The following SOX6 variants were observed in gnomAD, a reference collection of about 807,000 sequenced individuals.
SOX6 encodes the protein transcription factor SOX-6.
Under a neutral mutation model 97.8 loss-of-function variants are expected in SOX6, and 11 were observed. The observed-to-expected ratio is 0.11, with a 90% CI of 0.07 to 0.19. The LOEUF is 0.19. SOX6 is among the 10% of genes least tolerant of loss of function. SOX6 has a pLI of 1.00. For synonymous variants in SOX6, 360 were observed against 371.4 expected (o/e 0.97, Z 0.35); for missense variants, 810 against 1,039.5 (o/e 0.78, Z 3.04).
At chr11:16,001,599 A>G (rs1382651824) in intron 13 of SOX6, among the ~76,000 whole-genome samples, 1 of 152,160 alleles carries the variant, frequency 6.6e-6, no homozygotes, top group Admixed American at 6.5e-5. Context: ...TGGCTGGAAC[A>G]TTATTTTCCC....
chr11:16,732,689 T>C (rs80237685), intron 2 of SOX6, among the ~76,000 whole-genome samples: 1 of 152,170 alleles, frequency 6.6e-6, no homozygotes, highest in Non-Finnish European at 1.5e-5. Context: ...AAAGACTTAA[T>C]GACTAAAACA....
upstream of SOX6, among the ~76,000 whole-genome samples, chr11:16,359,181 C>T (rs1054040728): frequency 6.6e-6 from 1 of 151,432 alleles, no homozygotes; most frequent in Non-Finnish European, 1.5e-5. Context: ...GTCCTCAGAA[C>T]GAGAAGTTTG....
In SOX6 at chr11:16,579,359, C is replaced by T. The variant is rs189405392; in HGVS notation, n.609+32722G>A. Among the ~76,000 whole-genome samples the T allele has an allele frequency of 3.7e-3, 563 of 151,934 alleles. 3 individuals are homozygous for T. The highest frequency in any genetic ancestry group is 0.013 in the African/African-American group (543 of 41,482). On this transcript the variant is annotated intron_variant and non_coding_transcript_variant, in intron 4 of 5. Transcript: ENST00000524520. ...AAGGTACTTGATGAGTTTTTATATA[C>T]GTATTCTCCCATATAATCACCACCC...
At chr11:16,641,130 G>A (rs895395253) in intron 3 of SOX6, among the ~76,000 whole-genome samples, 25 of 152,128 alleles carry the variant, frequency 1.6e-4, no homozygotes, top group African/African-American at 2.7e-4. Flanking sequence ...TGTTGGTTTC[G>A]AAGAATATCT....
chr11:16,274,234 G>A (rs1590082955), intron 3 of SOX6, among the ~76,000 whole-genome samples: 1 of 152,006 alleles, frequency 6.6e-6, no homozygotes, highest in East Asian at 1.9e-4. Context: ...ATTGATTTGG[G>A]ATTCAGCAAC....
intron 3 of SOX6, among the ~76,000 whole-genome samples, chr11:16,669,590 A>C (rs1847832570): frequency 6.6e-6 from 1 of 152,226 alleles, no homozygotes; most frequent in South Asian, 2.1e-4. Flanking sequence ...GCATCTCTGC[A>C]ATTCCCTGGA....
At chr11:16,291,229 TTATATATATATATATATATATATA>T (rs10529279) in intron 3 of SOX6, among the ~76,000 whole-genome samples, 23,209 of 143,370 alleles carry the variant, frequency 0.16, 2,379 homozygotes, top group Admixed American at 0.27. Context: ...TTCTATAAAT[TTATATATATATATATATATATATA>T]TATATATATA....
At chr11:16,618,701 G>A (rs1040767633) in intron 3 of SOX6, among the ~76,000 whole-genome samples, 1 of 151,842 alleles carries the variant, frequency 6.6e-6, no homozygotes, top group South Asian at 2.1e-4. Context: ...ACTGCTTGCC[G>A]GGTGTATATT....
chr11:16,723,164 T>A (rs916208012), intron 2 of SOX6, among the ~76,000 whole-genome samples: 1 of 152,224 alleles, frequency 6.6e-6, no homozygotes, highest in Non-Finnish European at 1.5e-5. Context: ...GATGAGATCA[T>A]GTCTTCTGCA....
chr11:16,202,827 A>G (rs1241938649), intron 4 of SOX6, among the ~76,000 whole-genome samples: 1 of 152,192 alleles, frequency 6.6e-6, no homozygotes, highest in Admixed American at 6.5e-5. Context: ...TAATATAGCT[A>G]ACTACTAAAG....
At chr11:16,091,704 T>C (rs376043752) in intron 9 of SOX6, among the ~76,000 whole-genome samples, 1 of 152,058 alleles carries the variant, frequency 6.6e-6, no homozygotes, top group Admixed American at 6.6e-5. Context: ...TAACGTATGG[T>C]TGACAGGTTT....
chr11:16,190,853 G>A (rs1851612757), intron 4 of SOX6, among the ~76,000 whole-genome samples: 1 of 152,154 alleles, frequency 6.6e-6, no homozygotes, highest in Non-Finnish European at 1.5e-5. Flanking sequence ...GGGTATAATG[G>A]TTTGAAGCCA....
chr11:16,593,392 C>T (rs377327406), intron 4 of SOX6, among the ~76,000 whole-genome samples: 66 of 152,052 alleles, frequency 4.3e-4, no homozygotes, highest in African/African-American at 1.4e-3. Context: ...TTGAACACAG[C>T]GTAAAAGTAA....
chr11:16,626,043 G>T (rs1396595420), intron 3 of SOX6, among the ~76,000 whole-genome samples: 7 of 152,276 alleles, frequency 4.6e-5, no homozygotes, highest in South Asian at 4.1e-4. Context: ...AGTTTTTTGG[G>T]ATTGAACTCT....
chr11:16,645,138 T>G (rs1306922263), intron 3 of SOX6, among the ~76,000 whole-genome samples: 2 of 152,242 alleles, frequency 1.3e-5, no homozygotes, highest in Non-Finnish European at 2.9e-5. Context: ...ACAGATTTCC[T>G]GGATTCTGTT....
At chr11:16,284,721 C>T (rs1966698) in intron 3 of SOX6, among the ~76,000 whole-genome samples, 118,748 of 151,950 alleles carry the variant, frequency 0.78, 46,562 homozygotes, top group Non-Finnish European at 0.8. Flanking sequence ...AGTGTGGGTG[C>T]AATAGAAACC....
intron 1 of SOX6, chr11:16,402,834 T>C (rs922037390): frequency 6.5e-7 from 1 of 1,549,524 alleles, no homozygotes; most frequent in Non-Finnish European, 8.7e-7. Flanking sequence ...TGACCTTTCA[T>C]CTTTCCTATC....
chr11:16,135,999 A>T (rs148024450), intron 6 of SOX6, among the ~76,000 whole-genome samples: 16 of 152,234 alleles, frequency 1.1e-4, no homozygotes, highest in African/African-American at 1.4e-4. Flanking sequence ...AAAGATTATG[A>T]CTTGCTGAAG....
At chr11:15,993,519 T>C (rs1165757405) in intron 13 of SOX6, among the ~76,000 whole-genome samples, 1 of 152,146 alleles carries the variant, frequency 6.6e-6, no homozygotes, top group African/African-American at 2.4e-5. Context: ...CCTAAGAGTC[T>C]TTAATTACCA....
Sources: allele counts gnomAD v4.1 joint callset (sites outside exome capture counted in the v4.1 genomes callset), GRCh38; gene constraint gnomAD v4.1.1; transcripts MANE v1.5; gene names NCBI Gene and HGNC (gene_info 2026-07-23, HGNC 2026-07-21).